The following MCF2L variants were observed in gnomAD, a reference collection of about 807,000 sequenced individuals.
MCF2L encodes MCF.2 cell line derived transforming sequence like.
Under a neutral mutation model 153.4 loss-of-function variants are expected in MCF2L, and 97 were observed. The ratio of observed to expected loss-of-function variants is 0.63; its 90% CI spans 0.54 to 0.75. The LOEUF (loss-of-function observed/expected upper bound fraction) is 0.75, where lower values mean the gene tolerates loss of function less well. Among genes scored for constraint, MCF2L ranks in the 30% least tolerant of loss-of-function variants. The pLI is 0.00. For synonymous variants in MCF2L, 659 were observed against 632.2 expected (o/e 1.04, Z -0.64); for missense variants, 1,347 against 1,495.2 (o/e 0.90, Z 1.64).
intron 1 of MCF2L, among the ~76,000 whole-genome samples, chr13:112,896,826 GT>G (rs1566623992): frequency 6.6e-6 from 1 of 152,212 alleles, no homozygotes; most frequent in Non-Finnish European, 1.5e-5. Context: ...CCCAATGCAG[GT>G]TCCTGAGTCC....
chr13:113,054,407 G>A lies in MCF2L; in HGVS notation c.370-6186G>A, dbSNP rs2141653156. The A allele has an allele frequency of 1.2e-5, 2 of 167,534 alleles. No individual in the cohort carries two copies. Among genetic ancestry groups the A allele is most frequent in the Admixed American group, 1.3e-4 (2 of 15,296 alleles). 10.4% of individuals were successfully genotyped at this position (167,534 alleles called of 1,614,324 possible). A position where few individuals can be genotyped will look rare whatever the true frequency, so the allele number is the denominator to read the frequency against. On this transcript the variant is annotated intron_variant, in intron 4 of 29. Coordinates refer to ENST00000535094, the MANE Select transcript of MCF2L (RefSeq NM_001112732.3). This position sits in a 1 kb window ranked among gnomAD's most constrained non-coding sequence, Gnocchi z 5.2. ...ACGCACACGGCAGCGGCCATTCTGA[G>A]CACTCGTGTCTGAACATCTGCAGGA...
rs527544007 is a variant in MCF2L, at chr13:112,917,978, TG to T, written c.169+15609del. 5.9e-5 allele frequency among the ~76,000 whole-genome samples: 9 copies of T among 152,326 alleles called. 2 individuals are homozygous for T. The South Asian group carries it at 1.9e-3, about 32-fold the overall frequency. On this transcript the variant is annotated intron_variant, in intron 2 of 29. Coordinates refer to the MCF2L transcript ENST00000375608. ...GAGCCCACAGTCCAGTACCATTTCC[TG>T]GTCTGTTTGAAGTCCCCTGGGACTT... is the stretch of plus-strand genomic sequence containing the variant.
intron 1 of MCF2L, among the ~76,000 whole-genome samples, chr13:112,977,445 G>A (rs1169649430): frequency 4.6e-5 from 7 of 152,170 alleles, no homozygotes; most frequent in East Asian, 3.8e-4. Flanking sequence ...CACGATGGTC[G>A]CTGAAGCCAA....
In MCF2L at chr13:112,902,338, C is replaced by T. The variant is rs747611953; in HGVS notation, c.136C>T (p.Gln46Ter). Residue 46 changes from glutamine to a stop codon, truncating the protein, a stop_gained, in exon 2 of 30, where the codon CAA becomes TAA. Coordinates refer to the MCF2L transcript ENST00000375608. LOFTEE classifies it high-confidence loss of function. ...TGTGTCTGACGTCATCAGGCTTGTT[C>T]AAGACACACCGGAGGCGACGGCCAT... The T allele has an allele frequency of 6.2e-7, 1 of 1,612,830 alleles. No individual in the cohort carries two copies.
chr13:112,944,356 A>G (rs539312040), intron 2 of MCF2L, among the ~76,000 whole-genome samples: 2 of 152,114 alleles, frequency 1.3e-5, no homozygotes, highest in Non-Finnish European at 2.9e-5. Context: ...GCCAATCCCT[A>G]CAGCGTATGT....
chr13:112,930,893 C>T (rs12861576), intron 2 of MCF2L, among the ~76,000 whole-genome samples: 33,263 of 152,074 alleles, frequency 0.22, 4,326 homozygotes, highest in African/African-American at 0.36. Context: ...GCCAAGATCA[C>T]GCCATTGCAC....
intron 16 of MCF2L, 91 bp from the exon 17 acceptor site, chr13:113,082,336 T>C: frequency 1.3e-6 from 1 of 754,904 alleles, no homozygotes; most frequent in Non-Finnish European, 2.4e-6. Context: ...AGGGCTGGCC[T>C]GGCCCACAGA....
intron 2 of MCF2L, among the ~76,000 whole-genome samples, chr13:113,021,066 A>G (rs9577196): frequency 0.18 from 27,693 of 151,978 alleles, 2,697 homozygotes; most frequent in East Asian, 0.29. Flanking sequence ...ATGTGTGTAT[A>G]TATAGGTGTG....
intron 1 of MCF2L, among the ~76,000 whole-genome samples, chr13:112,901,379 C>T (rs369970021): frequency 1.3e-5 from 2 of 152,298 alleles, no homozygotes; most frequent in African/African-American, 4.8e-5. Context: ...GTCTTGAAAT[C>T]CTGACCTGAG....
chr13:113,034,924 C>T (rs117071096), intron 3 of MCF2L, among the ~76,000 whole-genome samples: 3,753 of 151,708 alleles, frequency 0.025, 77 homozygotes, highest in Non-Finnish European at 0.04. Flanking sequence ...AAGGTCTGCC[C>T]GAGGCAAGGC....
intron 1 of MCF2L, among the ~76,000 whole-genome samples, chr13:113,005,296 G>T (rs930011285): frequency 3.3e-5 from 5 of 152,256 alleles, no homozygotes; most frequent in African/African-American, 1.2e-4. Flanking sequence ...CCCCACTCGT[G>T]TGGGGTGTCA....
intron 15 of MCF2L, among the ~76,000 whole-genome samples, chr13:113,080,615 G>T (rs554287891): frequency 6.6e-6 from 1 of 152,360 alleles, no homozygotes; most frequent in South Asian, 2.1e-4. Flanking sequence ...CAGCCAGCTT[G>T]TGCACCCTCC....
chr13:113,032,988 T>G (rs1170324449), intron 3 of MCF2L, among the ~76,000 whole-genome samples: 1 of 147,898 alleles, frequency 6.8e-6, no homozygotes, highest in East Asian at 2.0e-4. Flanking sequence ...GTGATGTGAG[T>G]GGCCCCCGTG....
At chr13:112,958,654 C>T (rs1016806203) in intron 2 of MCF2L, among the ~76,000 whole-genome samples, 3 of 152,186 alleles carry the variant, frequency 2.0e-5, no homozygotes, top group East Asian at 1.9e-4. Flanking sequence ...CCAGGCTGAC[C>T]GCATGGACCA....
intron 5 of MCF2L, among the ~76,000 whole-genome samples, chr13:113,061,671 A>G (rs1444386663): frequency 2.4e-5 from 2 of 83,938 alleles, no homozygotes; most frequent in Admixed American, 3.1e-4. Context: ...GCCTTTCCCC[A>G]TGTACTGCCC....
chr13:112,967,459 T>TAAAAA (rs2081908375), upstream of MCF2L: 2 of 152,366 alleles, frequency 1.3e-5, no homozygotes, highest in South Asian at 4.1e-4. Context: ...TTTCTCATGT[T>TAAAAA]AAACAAAAAC....
Position 113,074,613 on chromosome 13 carries a change from C to T in MCF2L, c.1116+50C>T, listed in dbSNP as rs777754484. On this transcript the variant is annotated intron_variant, in intron 10 of 29. Transcript: ENST00000535094. The surrounding 1 kb of genome is among the most constrained non-coding windows in gnomAD (Gnocchi z 4.2). ...GGCGGGAGAGTGTGGGCAGCATCAT[C>T]AAGTGCTGCTCAGGAAGGCGCAGGA... 49 of 1,603,106 alleles carry T rather than the reference C, an allele frequency of 3.1e-5. No individual in the cohort carries two copies. Among genetic ancestry groups the T allele is most frequent in the Non-Finnish European group, 4.1e-5 (48 of 1,172,092 alleles).
chr13:112,968,146 G>GGT (rs1555355468), upstream of MCF2L, among the ~76,000 whole-genome samples: 1 of 148,178 alleles, frequency 6.7e-6, no homozygotes, highest in Admixed American at 6.7e-5. Context: ...GTGAGGTGGG[G>GGT]GGGGGGGTCT....
intron 2 of MCF2L, among the ~76,000 whole-genome samples, chr13:113,020,772 A>G (rs1197594931): frequency 6.6e-6 from 1 of 151,836 alleles, no homozygotes. Context: ...AACAGTGTAT[A>G]TGTGTAGCTG....
Sources: gnomAD v4.1 joint callset for allele counts (sites outside exome capture counted in the v4.1 genomes callset) on GRCh38, gnomAD v4.1.1 for gene constraint, Gnocchi (gnomAD v3.1) non-coding constraint, MANE v1.5 for transcripts, NCBI Gene and HGNC (gene_info 2026-07-23, HGNC 2026-07-21) for gene names.